The following NRG4 variants were observed in gnomAD, a reference collection of about 807,000 sequenced individuals.
NRG4 encodes the protein pro-neuregulin-4, membrane-bound isoform.
Under a neutral mutation model 15.0 loss-of-function variants are expected in NRG4, and 10 were observed. That is an observed-to-expected ratio of 0.67 (90% CI 0.41 to 1.13). The LOEUF (loss-of-function observed/expected upper bound fraction) is 1.13, where lower values mean the gene tolerates loss of function less well. NRG4 is among the 50% of genes most tolerant of loss of function. The pLI, the probability that NRG4 is intolerant of heterozygous loss-of-function variation, is 0.00. For synonymous variants in NRG4, 41 were observed against 50.1 expected (o/e 0.82, Z 0.77); for missense variants, 139 against 140.2 (o/e 0.99, Z 0.04).
At chr15:76,050,960 C>G (rs1164496409) in intron 4 of NRG4, among the ~76,000 whole-genome samples, 1 of 149,030 alleles carries the variant, frequency 6.7e-6, no homozygotes, top group African/African-American at 2.5e-5. Context: ...TGTGTGCCAC[C>G]ATGCCTGCCT....
rs2033635872 is a variant in NRG4 at position 75,982,260 on chromosome 15, T to C, written c.105-20286A>G. ...CACAAAAATCCTCAATAAAATACAA[T>C]AAGAATCAGCAGACCATAAAAGAAT... On this transcript the variant is annotated intron_variant, in intron 3 of 5. Transcript: ENST00000394907. 2.0e-5 allele frequency among the ~76,000 whole-genome samples: 3 copies of C among 152,066 alleles called. No individual in the cohort carries two copies. In the South Asian group the frequency reaches 6.2e-4, roughly 32 times the overall value.
At chr15:76,056,181 C>T (rs1310353644) in intron 2 of NRG4, among the ~76,000 whole-genome samples, 1 of 152,194 alleles carries the variant, frequency 6.6e-6, no homozygotes, top group African/African-American at 2.4e-5. Flanking sequence ...GGCGCAGTGG[C>T]TCACGCCTGT....
chr15:75,984,027 T>C (rs1167597991), intron 3 of NRG4, among the ~76,000 whole-genome samples: 1 of 152,128 alleles, frequency 6.6e-6, no homozygotes, highest in African/African-American at 2.4e-5. Flanking sequence ...TAAAAGTTCC[T>C]GAAAAAATAC....
At position 76,034,512 on chromosome 15, in the gene NRG4, C is replaced by T. The variant is rs192109971; in HGVS notation, c.-57+1432G>A. ...CCAGGGGCTCCAAAGCTTTTGCAGC[C>T]CACTTCACACTGGTTTGACTTAGAG... On this transcript the variant is annotated intron_variant, in intron 5 of 8. Coordinates refer to the NRG4 transcript ENST00000563910. 2.6e-5 allele frequency among the ~76,000 whole-genome samples: 4 copies of T among 152,212 alleles called. No homozygotes were observed. In the East Asian group the frequency reaches 7.7e-4, roughly 29 times the overall value.
intron 3 of NRG4, among the ~76,000 whole-genome samples, chr15:76,007,921 T>A (rs1184269624): frequency 6.6e-6 from 1 of 152,166 alleles, no homozygotes. Context: ...TTTTCCCCTT[T>A]TTTAAAAAAT....
At chr15:75,976,632 C>G (rs1288388899) in intron 3 of NRG4, among the ~76,000 whole-genome samples, 1 of 152,190 alleles carries the variant, frequency 6.6e-6, no homozygotes, top group Non-Finnish European at 1.5e-5. Context: ...ACTCCAGACC[C>G]CGTTTGCCTG....
At chr15:76,051,772 C>A (rs1016169967) in intron 4 of NRG4, among the ~76,000 whole-genome samples, 1 of 149,678 alleles carries the variant, frequency 6.7e-6, no homozygotes, top group African/African-American at 2.5e-5. Flanking sequence ...GGGGTTTCAC[C>A]ATGTTAGCCA....
chr15:76,035,500 C>T (rs1327455504), intron 5 of NRG4, among the ~76,000 whole-genome samples: 2 of 152,002 alleles, frequency 1.3e-5, no homozygotes, highest in Non-Finnish European at 2.9e-5. Flanking sequence ...AGAATATCTG[C>T]CACTTATGAA....
intron 4 of NRG4, among the ~76,000 whole-genome samples, chr15:76,040,358 A>G (rs1160614631): frequency 6.6e-6 from 1 of 152,186 alleles, no homozygotes. Context: ...AGAAATAAAG[A>G]TTCTCCCAGA....
At chr15:76,043,421 T>C (rs1023195182) in intron 4 of NRG4, among the ~76,000 whole-genome samples, 1 of 152,126 alleles carries the variant, frequency 6.6e-6, no homozygotes, top group Non-Finnish European at 1.5e-5. Context: ...CATCAAAAAA[T>C]TTAGAACTGA....
At chr15:75,962,030 G>A in intron 3 of NRG4, 56 bp from the exon 4 acceptor site, 1 of 1,352,164 alleles carries the variant, frequency 7.4e-7, no homozygotes, top group South Asian at 1.4e-5. Context: ...TAGCTAGTTT[G>A]GAAGAAAAAC....
chr15:76,016,184 G>A (rs2034969760), upstream of NRG4, among the ~76,000 whole-genome samples: 1 of 152,166 alleles, frequency 6.6e-6, no homozygotes, highest in Non-Finnish European at 1.5e-5. Context: ...TGTGGGATCA[G>A]TGGTAATATC....
chr15:76,046,857 T>C (rs899531935), intron 4 of NRG4, among the ~76,000 whole-genome samples: 5 of 150,786 alleles, frequency 3.3e-5, no homozygotes, highest in African/African-American at 5.0e-5. Flanking sequence ...AATCAACAAA[T>C]TGAAGAGACA....
intron 4 of NRG4, among the ~76,000 whole-genome samples, chr15:75,958,254 C>T (rs2454473): frequency 0.012 from 1,762 of 152,212 alleles, 30 homozygotes; most frequent in African/African-American, 0.039. Flanking sequence ...CCTTGTGATC[C>T]GCCCTCCTCG....
At chr15:76,028,827 G>C (rs1380896233) in intron 5 of NRG4, among the ~76,000 whole-genome samples, 1 of 150,722 alleles carries the variant, frequency 6.6e-6, no homozygotes, top group Non-Finnish European at 1.5e-5. Context: ...CTGAACCCGG[G>C]AGGGGAAGGT....
intron 3 of NRG4, among the ~76,000 whole-genome samples, chr15:75,981,917 TAA>T (rs1410455929): frequency 6.6e-6 from 1 of 151,650 alleles, no homozygotes; most frequent in Non-Finnish European, 1.5e-5. Context: ...CTTAAAAATA[TAA>T]CTTACAAAAA....
chr15:76,014,521 T>G (rs940582372), upstream of NRG4, among the ~76,000 whole-genome samples: 2 of 152,198 alleles, frequency 1.3e-5, no homozygotes, highest in Non-Finnish European at 2.9e-5. Context: ...AATTTTTATA[T>G]GAGGTGTAAG....
At chr15:75,961,696 C>A in intron 4 of NRG4, 132 bp downstream of exon 4, 3 of 617,436 alleles carry the variant, frequency 4.9e-6, no homozygotes, top group South Asian at 5.4e-5. Flanking sequence ...GTAACAAAAA[C>A]TGTATTAAAG....
At chr15:75,956,115 C>G (rs746537809) in intron 4 of NRG4, 104 bp from the exon 5 acceptor site, 87 of 670,028 alleles carry the variant, frequency 1.3e-4, no homozygotes, top group Non-Finnish European at 2.0e-4. Flanking sequence ...CCTTCTTCCC[C>G]CTTTTTACAA....
Sources: gnomAD v4.1 joint callset for allele counts (sites outside exome capture counted in the v4.1 genomes callset) on GRCh38, gnomAD v4.1.1 for gene constraint, MANE v1.5 for transcripts, NCBI Gene and HGNC (gene_info 2026-07-23, HGNC 2026-07-21) for gene names.